XDH: variants seen among roughly 807,000 people sequenced by gnomAD.
XDH encodes xanthine dehydrogenase/oxidase.
In XDH, 138 loss-of-function variants were observed where a neutral mutation model predicts 156.1. The observed-to-expected ratio is 0.88, with a 90% CI of 0.77 to 1.02. The LOEUF (loss-of-function observed/expected upper bound fraction) is 1.02, where lower values mean the gene tolerates loss of function less well. Ranked by LOEUF, XDH falls within the 50% of genes least tolerant of loss-of-function variation. The pLI is 0.00. For synonymous variants in XDH, 669 were observed against 625.7 expected (o/e 1.07, Z -1.03); for missense variants, 1,849 against 1,684.9 (o/e 1.10, Z -1.71).
chr2:31,365,050 G>A (rs894008776), intron 23 of XDH, among the ~76,000 whole-genome samples: 1 of 152,168 alleles, frequency 6.6e-6, no homozygotes, highest in African/African-American at 2.4e-5. Flanking sequence ...CTAACATCTT[G>A]GGCCTGTCCA....
At chr2:31,382,509 G>A (rs141256179) in intron 11 of XDH, among the ~76,000 whole-genome samples, 2 of 152,192 alleles carry the variant, frequency 1.3e-5, no homozygotes, top group Admixed American at 6.5e-5. Context: ...GGAATGTGGG[G>A]ACTTGTCTGA....
chr2:31,365,687 G>T, intron 22 of XDH, 143 bp from the exon 23 acceptor site: 2 of 1,065,280 alleles, frequency 1.9e-6, no homozygotes, highest in Admixed American at 1.9e-5. Context: ...TGCCATCTAG[G>T]CACTGTGATA....
chr2:31,365,392 A>T, intron 23 of XDH, 65 bp downstream of exon 23: 1 of 1,571,894 alleles, frequency 6.4e-7, no homozygotes, highest in East Asian at 2.2e-5. Flanking sequence ...ATGCCTGGAC[A>T]TTCGGTCCCA....
intron 1 of XDH, among the ~76,000 whole-genome samples, chr2:31,410,849 C>T (rs375117053): frequency 6.6e-6 from 1 of 152,150 alleles, no homozygotes; most frequent in South Asian, 2.1e-4. Flanking sequence ...AACTGCAAGG[C>T]GTAATCTTGG....
At chr2:31,386,328 G>A (rs1249159896) in intron 9 of XDH, 86 bp downstream of exon 9, 1 of 1,576,002 alleles carries the variant, frequency 6.3e-7, no homozygotes, top group Non-Finnish European at 8.6e-7. Context: ...GGCAAGTAAA[G>A]TCAGGGGGAG....
chr2:31,401,248 C>G lies in XDH; in HGVS notation c.278G>C (p.Ser93Thr). Reference sequence around the variant, plus strand: ...CACAGGATGCAGCCTCGTCTTGGTGCTTCCTATTCCTTCCACAGTTGTCAC... The same window carrying G: ...CACAGGATGCAGCCTCGTCTTGGTGGTTCCTATTCCTTCCACAGTTGTCAC... Reference protein sequence around the residue: ...VAVTTVEGIGSTKTRLHPVQE... With the variant: ...VAVTTVEGIGTTKTRLHPVQE... Residue 93 changes from serine (S) to threonine (T), a missense_variant, in exon 4 of 36, where the codon AGC becomes ACC. Ser to Thr is a moderately conservative substitution (Grantham distance 58). Transcript: ENST00000379416. 1 of 1,614,212 alleles carries G rather than the reference C, an allele frequency of 6.2e-7. No homozygotes were observed. Among genetic ancestry groups the G allele is most frequent in the Non-Finnish European group, 8.5e-7 (1 of 1,180,032 alleles).
At chr2:31,340,171 C>T (rs1449676448) in intron 33 of XDH, among the ~76,000 whole-genome samples, 3 of 152,240 alleles carry the variant, frequency 2.0e-5, no homozygotes, top group Non-Finnish European at 4.4e-5. Context: ...CACATCTGCT[C>T]TCTCAGCCCC....
chr2:31,376,383 T>C (rs1043859188), intron 14 of XDH, among the ~76,000 whole-genome samples: 4 of 149,602 alleles, frequency 2.7e-5, no homozygotes, highest in African/African-American at 9.8e-5. Context: ...ACAGCAGTAA[T>C]ACTACTGTTA....
intron 31 of XDH, among the ~76,000 whole-genome samples, chr2:31,343,116 C>A (rs988130397): frequency 6.6e-6 from 1 of 151,780 alleles, no homozygotes; most frequent in East Asian, 1.9e-4. Flanking sequence ...AAAAAACCAC[C>A]ACCAATTCCT....
chr2:31,372,396 T>C lies in XDH; in HGVS notation c.1688A>G (p.Glu563Gly). 6.2e-7 allele frequency: 1 copy of C among 1,613,990 alleles called. No homozygotes were observed. Among genetic ancestry groups the C allele is most frequent in the Non-Finnish European group, 8.5e-7 (1 of 1,180,042 alleles). Reference sequence around the variant, plus strand: ...CTCCTCAGACTGACCCTTGGGCACCTCCTGGAATGACAGGGTCATCAATCA... The same window carrying C: ...CTCCTCAGACTGACCCTTGGGCACCCCCTGGAATGACAGGGTCATCAATCA... ...DPPADVQLFQ[E>G]VPKGQSEEDM... The change falls in exon 17 of 36, where the codon GAG (glutamate) becomes GGG (glycine). Residue 563 changes from glutamate to glycine, a missense_variant and splice_region_variant. Transcript: ENST00000379416.
rs865921310 is a variant in XDH, at chr2:31,334,465, T to C, written c.*1493A>G. 37 of 152,174 alleles carry C rather than the reference T, an allele frequency of 2.4e-4. No individual in the cohort carries two copies. Among genetic ancestry groups the C allele is most frequent in the African/African-American group, 8.7e-4 (36 of 41,436 alleles). 9.4% of individuals were successfully genotyped at this position (152,174 alleles called of 1,614,324 possible). A position where few individuals can be genotyped will look rare whatever the true frequency, so the allele number is the denominator to read the frequency against. The stretch of plus-strand genomic sequence containing the variant: ...GTGAAGGCATGTGACAGTGACACAT[T>C]GTCCACCCAGCACCATGTAGGGATT... On this transcript the variant is annotated 3_prime_UTR_variant, in exon 36 of 36. Coordinates refer to ENST00000379416, the MANE Select transcript of XDH (RefSeq NM_000379.4).
chr2:31,343,049 A>T (rs1353220654), intron 31 of XDH, among the ~76,000 whole-genome samples: 1 of 151,922 alleles, frequency 6.6e-6, no homozygotes, highest in Non-Finnish European at 1.5e-5. Flanking sequence ...AGCTGATATG[A>T]CCAGATCTGC....
Position 31,388,308 on chromosome 2 carries a change from T to A in XDH, c.496-13A>T, listed in dbSNP as rs1686670424. 1.2e-6 allele frequency: 2 copies of A among 1,613,858 alleles called. No homozygotes were observed. The highest frequency in any genetic ancestry group is 1.7e-5 in the Admixed American group (1 of 60,024). ...AGCATCCACCATCCTAGAGAGATGATGAACATCTGCACAAGGGTATTTACA... is the reference window on the plus strand; with the variant it reads ...AGCATCCACCATCCTAGAGAGATGAAGAACATCTGCACAAGGGTATTTACA... On this transcript the variant is annotated splice_polypyrimidine_tract_variant and intron_variant, in intron 6 of 35. Coordinates refer to ENST00000379416, the MANE Select transcript of XDH (RefSeq NM_000379.4).
intron 6 of XDH, among the ~76,000 whole-genome samples, chr2:31,392,381 G>A (rs1254945906): frequency 6.6e-6 from 1 of 150,688 alleles, no homozygotes; most frequent in Non-Finnish European, 1.5e-5. Context: ...TAAAGTGGGA[G>A]CCCAGATTGC....
At chr2:31,394,780 C>T (rs1013701375) in intron 6 of XDH, among the ~76,000 whole-genome samples, 1 of 152,040 alleles carries the variant, frequency 6.6e-6, no homozygotes, top group African/African-American at 2.4e-5. Context: ...TTGTCATATC[C>T]TCAAGCTCAG....
chr2:31,343,137 C>T (rs207447), intron 31 of XDH, among the ~76,000 whole-genome samples: 1,982 of 151,922 alleles, frequency 0.013, 48 homozygotes, highest in African/African-American at 0.045. Flanking sequence ...TTGACCTCTG[C>T]TTTCACCATG....
In XDH at chr2:31,342,494, C is replaced by T. The variant is rs12614330; in HGVS notation, c.3405-197G>A. Among the ~76,000 whole-genome samples the T allele has an allele frequency of 0.39, 59,240 of 151,968 alleles. 13,245 individuals are homozygous for T. Among genetic ancestry groups the T allele is most frequent in the East Asian group, 0.57 (2,935 of 5,158 alleles). ...TATTCCAGAACATTTTGTCTCTGGGCCCTCCTCTATTTTGCCAGTAGCCCT... is the reference window on the plus strand; with the variant it reads ...TATTCCAGAACATTTTGTCTCTGGGTCCTCCTCTATTTTGCCAGTAGCCCT... On this transcript the variant is annotated intron_variant, in intron 31 of 35. Coordinates refer to ENST00000379416, the MANE Select transcript of XDH (RefSeq NM_000379.4).
chr2:31,340,084 C>T (rs887071204), intron 33 of XDH, among the ~76,000 whole-genome samples: 1 of 152,240 alleles, frequency 6.6e-6, no homozygotes, highest in Non-Finnish European at 1.5e-5. Context: ...CCCTGCCTGT[C>T]CTCTGGGAGA....
chr2:31,414,507 AAGAC>A, intron 1 of XDH, 114 bp downstream of exon 1: 1 of 1,434,794 alleles, frequency 7.0e-7, no homozygotes, highest in Non-Finnish European at 9.8e-7. Context: ...GAGAGAGAGA[AAGAC>A]AGAACAAGTA....
Sources: gnomAD v4.1 joint callset for allele counts (sites outside exome capture counted in the v4.1 genomes callset) on GRCh38, gnomAD v4.1.1 for gene constraint, MANE v1.5 for transcripts, NCBI Gene and HGNC (gene_info 2026-07-23, HGNC 2026-07-21) for gene names.